The following BMP1 variants were observed in gnomAD, a reference collection of about 807,000 sequenced individuals.
BMP1 encodes the protein bone morphogenetic protein 1, also known as mammalian tolloid protein.
A neutral mutation model predicts 116.8 loss-of-function variants in BMP1; 63 were observed. The observed-to-expected ratio is 0.54, with a 90% CI of 0.44 to 0.67. The LOEUF is 0.67. BMP1 is among the 30% of genes least tolerant of loss of function. The pLI is 0.00. For missense variants in BMP1, 1,183 were observed against 1,358.9 expected (o/e 0.87, Z 2.04); for synonymous variants, 536 against 533.4 (o/e 1.00, Z -0.07).
At position 22,180,467 on chromosome 8, in the gene BMP1, T is replaced by C; in HGVS notation, c.1061T>C (p.Val354Ala). Residue 354 changes from valine to alanine, a missense_variant, in exon 8 of 20, where the codon GTC becomes GCC. Physicochemically the swap from Val to Ala is moderately conservative, Grantham distance 64. Coordinates refer to ENST00000306385, the MANE Select transcript of BMP1 (RefSeq NM_006129.5). ...ATGCACTGCGTGTGGCGCATCTCTG[T>C]CACACCCGGGGAGAAGGTACGTGTG... ...AHMHCVWRIS[V>A]TPGEKIILNF... 1 of 1,613,854 alleles carries C rather than the reference T, an allele frequency of 6.2e-7. No homozygotes were observed. The highest frequency in any genetic ancestry group is 8.5e-7 in the Non-Finnish European group (1 of 1,179,890).
At chr8:22,176,483 G>A (rs1226190969) in intron 3 of BMP1, 50 bp from the exon 4 acceptor site, 4 of 1,592,940 alleles carry the variant, frequency 2.5e-6, no homozygotes, top group Non-Finnish European at 3.4e-6. Context: ...GTGGGTAGGG[G>A]GTGGGACTGC....
At chr8:22,193,737 G>T (rs1828998247) in intron 9 of BMP1, among the ~76,000 whole-genome samples, 2 of 152,120 alleles carry the variant, frequency 1.3e-5, no homozygotes, top group South Asian at 4.1e-4. Flanking sequence ...TGAGCCAAGA[G>T]CGTGCCACTG....
chr8:22,206,855 C>T lies in BMP1; in HGVS notation c.2235C>T (p.Ala745=), dbSNP rs1477252109. The part of the protein sequence containing the change: ...LHDNKHDCKE[A]GCDHKVTSTS... ...CTTCCGTCACTCGCTTCCCTGCAGC[C>T]GGCTGTGACCACAAGGTGACATCCA... Residue 745 remains alanine, a splice_region_variant and synonymous_variant, in exon 17 of 20, where the codon GCC becomes GCT. Transcript: ENST00000306385. 8.1e-6 allele frequency: 13 copies of T among 1,614,004 alleles called. No individual in the cohort carries two copies. The highest frequency in any genetic ancestry group is 1.6e-4 in the Middle Eastern group (1 of 6,084).
At position 22,180,480 on chromosome 8, in the gene BMP1, G is replaced by T; in HGVS notation, c.1074G>T (p.Glu358Asp). ...GGCGCATCTCTGTCACACCCGGGGAGAAGGTACGTGTGGGCTCAGCCTCTG... is the reference window on the plus strand; with the variant it reads ...GGCGCATCTCTGTCACACCCGGGGATAAGGTACGTGTGGGCTCAGCCTCTG... ...CVWRISVTPG[E>D]KIILNFTSLD... Residue 358 changes from glutamate to aspartate, a missense_variant, in exon 8 of 20, where the codon GAG (glutamate) becomes GAT (aspartate). Physicochemically the swap from Glu to Asp is conservative, Grantham distance 45. Coordinates refer to ENST00000306385, the MANE Select transcript of BMP1 (RefSeq NM_006129.5). The T allele has an allele frequency of 1.9e-6, 3 of 1,613,424 alleles. No homozygotes were observed. Among genetic ancestry groups the T allele is most frequent in the Non-Finnish European group, 2.5e-6 (3 of 1,179,600 alleles).
chr8:22,166,940 G>A (rs539330147), intron 1 of BMP1, among the ~76,000 whole-genome samples: 2 of 152,262 alleles, frequency 1.3e-5, no homozygotes, highest in South Asian at 4.1e-4. Context: ...CATTATAGCT[G>A]TACCACCTCA....
chr8:22,210,435 C>G (rs1394241457), intron 19 of BMP1, among the ~76,000 whole-genome samples: 3 of 123,800 alleles, frequency 2.4e-5, no homozygotes, highest in Admixed American at 7.8e-5. Flanking sequence ...CTACCCATCT[C>G]TCTCTCTTTC....
intron 6 of BMP1, among the ~76,000 whole-genome samples, chr8:22,178,540 C>A (rs62494047): frequency 1.6e-4 from 25 of 151,808 alleles, no homozygotes; most frequent in African/African-American, 5.3e-4. Context: ...CCTCCCAAAA[C>A]GCTGAGATTA....
chr8:22,197,413 C>T lies in BMP1; in HGVS notation c.2100C>T (p.Phe700=), dbSNP rs1829125301. 2 of 1,608,896 alleles carry T rather than the reference C, an allele frequency of 1.2e-6. No individual in the cohort carries two copies. Among genetic ancestry groups the T allele is most frequent in the South Asian group, 2.2e-5 (2 of 90,978 alleles). ...TVSKKGFKAH[F]FSDKDECSKD... is the part of the protein sequence containing the mutation. ...CCAAAAAGGGCTTCAAGGCCCACTT[C>T]TTCTCAGGTATCCCTGGACTGCCCA... Residue 700 remains phenylalanine, a synonymous_variant, in exon 15 of 20, where the codon TTC becomes TTT. Transcript: ENST00000306385.
chr8:22,196,545 A>G, intron 13 of BMP1, 135 bp from the exon 14 acceptor site: 1 of 1,365,068 alleles, frequency 7.3e-7, no homozygotes, highest in Non-Finnish European at 1.0e-6. Flanking sequence ...CCCCAGAGGG[A>G]CCAGACACAG....
chr8:22,185,928 C>G (rs1195450929), intron 8 of BMP1, among the ~76,000 whole-genome samples: 1 of 151,416 alleles, frequency 6.6e-6, no homozygotes, highest in Admixed American at 6.6e-5. Context: ...CTCCGCCTCC[C>G]GGGTTCAAGT....
intron 4 of BMP1, 27 bp from the exon 5 acceptor site, chr8:22,176,934 C>T (rs1486852056): frequency 6.3e-7 from 1 of 1,584,208 alleles, no homozygotes; most frequent in South Asian, 1.1e-5. Flanking sequence ...CTCGGGACCG[C>T]CCCCCTGAGC....
chr8:22,208,391 G>GC (rs761717028), intron 18 of BMP1, among the ~76,000 whole-genome samples: 3 of 152,294 alleles, frequency 2.0e-5, no homozygotes, highest in South Asian at 4.1e-4. Context: ...CTTCACTCCT[G>GC]CCCCCCACCC....
chr8:22,194,595 G>T lies in BMP1; in HGVS notation c.1443+5G>T, dbSNP rs976180403. The T allele has an allele frequency of 6.2e-7, 1 of 1,613,910 alleles. No individual in the cohort carries two copies. Among genetic ancestry groups the T allele is most frequent in the Admixed American group, 1.7e-5 (1 of 59,998 alleles). The stretch of plus-strand genomic sequence containing the variant: ...CTCACATTCCAGTCCTTTGAGGTAG[G>T]TCAGTGGCCCTGTGATCTGACCTTT... On this transcript the variant is annotated splice_donor_5th_base_variant and intron_variant, in intron 11 of 19. Coordinates refer to ENST00000306385, the MANE Select transcript of BMP1 (RefSeq NM_006129.5). This position sits in a 1 kb window ranked among gnomAD's most constrained non-coding sequence, Gnocchi z 4.5.
intron 8 of BMP1, among the ~76,000 whole-genome samples, chr8:22,182,564 CA>C (rs1265289026): frequency 1.3e-5 from 2 of 152,176 alleles, no homozygotes; most frequent in Non-Finnish European, 2.9e-5. Flanking sequence ...AATGCCTTAC[CA>C]AATTAAATCT....
chr8:22,189,736 A>G (rs1178763116), intron 8 of BMP1, among the ~76,000 whole-genome samples: 3 of 151,806 alleles, frequency 2.0e-5, no homozygotes, highest in Non-Finnish European at 4.4e-5. Flanking sequence ...CAAAATGCTC[A>G]GTTACAGGTA....
intron 8 of BMP1, among the ~76,000 whole-genome samples, chr8:22,181,160 C>T (rs1828609877): frequency 6.6e-6 from 1 of 152,212 alleles, no homozygotes; most frequent in South Asian, 2.1e-4. Context: ...CCTGGCTCTC[C>T]ACTGGCACTC....
rs772162000 is a variant in BMP1, at chr8:22,211,550, CA to C, written c.2827-43del. The C allele has an allele frequency of 3.1e-6, 5 of 1,612,964 alleles. No individual in the cohort carries two copies. In the South Asian group the frequency reaches 5.5e-5, roughly 18 times the overall value. Reference sequence around the variant, plus strand: ...TCTTGGGGAGGCAGGACAGCAGCCCCAGCCCCTCTTCCTCCACCTTACCCCA... The same window carrying C: ...TCTTGGGGAGGCAGGACAGCAGCCCCGCCCCTCTTCCTCCACCTTACCCCA... On this transcript the variant is annotated intron_variant, in intron 19 of 19. Coordinates refer to ENST00000306385, the MANE Select transcript of BMP1 (RefSeq NM_006129.5).
chr8:22,203,789 A>C lies in BMP1; in HGVS notation c.2233+1861A>C, dbSNP rs1416441235. Among the ~76,000 whole-genome samples the C allele has an allele frequency of 2.0e-5, 3 of 152,150 alleles. No individual in the cohort carries two copies. The East Asian group carries it at 5.8e-4, about 29-fold the overall frequency. On this transcript the variant is annotated intron_variant, in intron 16 of 19. Transcript: ENST00000306385. ...AACCCTGTGACCTCAGGCTTCCCAA[A>C]TACACAGTTCCTGAGTCATGGAACT...
At position 22,194,048 on chromosome 8, in the gene BMP1, GTC is replaced by G; in HGVS notation, c.1181-8_1181-7del. ...GGTTCACCACTCTTCCATCCACACTGTCTGTGCAGGCCGCTTCTGCGGGTCCA... is the reference window on the plus strand; with the variant it reads ...GGTTCACCACTCTTCCATCCACACTGTGTGCAGGCCGCTTCTGCGGGTCCA... On this transcript the variant is annotated splice_polypyrimidine_tract_variant and splice_region_variant and intron_variant, in intron 9 of 19. Coordinates refer to ENST00000306385, the MANE Select transcript of BMP1 (RefSeq NM_006129.5). This position sits in a 1 kb window ranked among gnomAD's most constrained non-coding sequence, Gnocchi z 4.5. 6.2e-7 allele frequency: 1 copy of G among 1,610,728 alleles called. No individual in the cohort carries two copies. Among genetic ancestry groups the G allele is most frequent in the Non-Finnish European group, 8.5e-7 (1 of 1,176,932 alleles).
Sources: allele counts gnomAD v4.1 joint callset (sites outside exome capture counted in the v4.1 genomes callset), GRCh38; gene constraint gnomAD v4.1.1; non-coding constraint Gnocchi (gnomAD v3.1); transcripts MANE v1.5; gene names NCBI Gene and HGNC (gene_info 2026-07-23, HGNC 2026-07-21).